SETD1B: variants seen among roughly 807,000 people sequenced by gnomAD.
SETD1B encodes histone-lysine N-methyltransferase SETD1B.
A neutral mutation model predicts 148.0 loss-of-function variants in SETD1B; 7 were observed. The observed-to-expected ratio is 0.05, with a 90% CI of 0.03 to 0.09. The LOEUF (loss-of-function observed/expected upper bound fraction) is 0.09, where lower values mean the gene tolerates loss of function less well. Ranked by LOEUF, SETD1B falls within the 10% of genes least tolerant of loss-of-function variation. The pLI is 1.00. For missense variants in SETD1B, 2,155 were observed against 2,729.9 expected, an observed-to-expected ratio of 0.79 and a Z score of 4.69; for synonymous variants, 1,361 against 1,186.5, an observed-to-expected ratio of 1.15 and a Z score of -3.02.
rs1340323202 is a variant in SETD1B, at chr12:121,810,514, C to T, written c.1569C>T (p.Asp523=). 6.5e-7 allele frequency: 1 copy of T among 1,546,132 alleles called. No individual in the cohort carries two copies. Among genetic ancestry groups the T allele is most frequent in the Non-Finnish European group, 8.7e-7 (1 of 1,146,976 alleles). The change falls in exon 6 of 17, where the codon GAC becomes GAT. Residue 523 remains aspartate, a synonymous_variant. Coordinates refer to ENST00000604567, the MANE Select transcript of SETD1B (RefSeq NM_001353345.2). The surrounding 1 kb of genome is among the most constrained non-coding windows in gnomAD (Gnocchi z 7.6). ...KLLFLREPDS[D]TELQMEGSPI... The stretch of plus-strand genomic sequence containing the variant: ...TCTTCCTGAGGGAGCCGGACTCGGA[C>T]ACCGAGCTGCAGATGGAGGGCAGCC...
Position 121,827,657 on chromosome 12 carries a change from C to T in SETD1B, c.5469+7C>T, listed in dbSNP as rs776004539. 1 of 1,551,582 alleles carries T rather than the reference C, an allele frequency of 6.4e-7. No individual in the cohort carries two copies. The highest frequency in any genetic ancestry group is 2.0e-5 in the Admixed American group (1 of 51,004). On this transcript the variant is annotated splice_region_variant and intron_variant, in intron 14 of 16. Transcript: ENST00000604567. ...CAAGTTCAACCAGCTCAAGGTGAGGCCGGGCTTCACCCAGATCGCCGGGGT... is the reference window on the plus strand; with the variant it reads ...CAAGTTCAACCAGCTCAAGGTGAGGTCGGGCTTCACCCAGATCGCCGGGGT...
In SETD1B at chr12:121,810,863, G is replaced by A; in HGVS notation, c.1890+28G>A. The A allele has an allele frequency of 6.8e-7, 1 of 1,461,656 alleles. No homozygotes were observed. Among genetic ancestry groups the A allele is most frequent in the Non-Finnish European group, 9.1e-7 (1 of 1,101,634 alleles). The allele number at this position is 1,461,656 out of a possible 1,614,324, so 90.5% of individuals were successfully genotyped here. A position where few individuals can be genotyped will look rare whatever the true frequency, so the allele number is the denominator to read the frequency against. ...ACCACCGTGTCTGTCCATCTGTCTG[G>A]GACTGGTTTTGTCTATCTTGTATCT... is the stretch of plus-strand genomic sequence containing the variant. On this transcript the variant is annotated intron_variant, in intron 6 of 16. Coordinates refer to ENST00000604567, the MANE Select transcript of SETD1B (RefSeq NM_001353345.2). This position sits in a 1 kb window ranked among gnomAD's most constrained non-coding sequence, Gnocchi z 7.6.
At position 121,824,169 on chromosome 12, in the gene SETD1B, TC is replaced by T. The variant is rs1876725823; in HGVS notation, c.5170+422del. ...AGGCTCAGAGAGGTTCAGTGACCTG[TC>T]CAAAGACACAGCTACAGGTGGCAGA... On this transcript the variant is annotated intron_variant, in intron 12 of 16. Coordinates refer to ENST00000604567, the MANE Select transcript of SETD1B (RefSeq NM_001353345.2). Among the ~76,000 whole-genome samples the T allele has an allele frequency of 2.6e-5, 4 of 152,328 alleles. No individual in the cohort carries two copies. In the South Asian group the frequency reaches 8.3e-4, roughly 32 times the overall value.
intron 12 of SETD1B, among the ~76,000 whole-genome samples, chr12:121,824,828 CAT>C (rs913069324): frequency 2.0e-5 from 3 of 152,124 alleles, no homozygotes; most frequent in African/African-American, 4.8e-5. Context: ...GCCTGGGAAA[CAT>C]AGCAAAACCC....
intron 12 of SETD1B, among the ~76,000 whole-genome samples, chr12:121,824,638 C>T (rs1188704104): frequency 1.3e-5 from 2 of 151,320 alleles, no homozygotes; most frequent in Admixed American, 6.6e-5. Context: ...CAGAACAAGA[C>T]TCTGTCTCAA....
At position 121,823,684 on chromosome 12, in the gene SETD1B, A is replaced by G. The variant is rs867148478; in HGVS notation, c.5105A>G (p.Glu1702Gly). ...ATCCGCTTCCTGTGTGTCACCTACG[A>G]GCGACTGCTACAGCAGGACAATGGC... ...EDIRFLCVTY[E>G]RLLQQDNGMD... is the part of the protein sequence containing the mutation. Residue 1702 changes from glutamate to glycine, a missense_variant, in exon 12 of 17, where the codon GAG becomes GGG. Physicochemically the swap from Glu to Gly is moderately conservative, Grantham distance 98. This residue lies in a region of SETD1B where 96 missense variants were observed against 148.7 expected (regional missense o/e 0.65). Transcript: ENST00000604567. The G allele has an allele frequency of 6.4e-7, 1 of 1,551,586 alleles. No homozygotes were observed. Among genetic ancestry groups the G allele is most frequent in the Middle Eastern group, 1.7e-4 (1 of 5,992 alleles).
chr12:121,804,887 C>T lies in SETD1B; in HGVS notation c.150C>T (p.Tyr50=), dbSNP rs1179011662. ...AGGGGCATCATAAACTGTACCGCTA[C>T]GATGGGCAGCATTTCAGCCTGGCGG... The part of the protein sequence containing the change: ...LKKGHHKLYR[Y]DGQHFSLAMS... The change falls in exon 2 of 17, where the codon TAC becomes TAT. Residue 50 remains tyrosine (Y), a synonymous_variant. Transcript: ENST00000604567. This position sits in a 1 kb window ranked among gnomAD's most constrained non-coding sequence, Gnocchi z 4.6. 6.5e-6 allele frequency: 10 copies of T among 1,533,552 alleles called. No individual in the cohort carries two copies. The African/African-American group carries it at 1.1e-4, about 17-fold the overall frequency. The allele number at this position is 1,533,552 out of a possible 1,614,324, so 95.0% of individuals were successfully genotyped here.
chr12:121,820,568 C>CT (rs1191421871), intron 11 of SETD1B, among the ~76,000 whole-genome samples: 4 of 152,330 alleles, frequency 2.6e-5, no homozygotes, highest in Admixed American at 6.5e-5. Context: ...TAGTCCCGCT[C>CT]TGTCACCCAG....
rs938427266 is a variant in SETD1B, at chr12:121,823,369, C to A, written c.4790C>A (p.Pro1597Gln). Residue 1597 changes from proline to glutamine, a missense_variant, in exon 12 of 17, where the codon CCA (proline) becomes CAA (glutamine). By Grantham distance (76) the Pro-to-Gln change is moderately conservative. This residue lies in a region of SETD1B where 862 missense variants were observed against 873.8 expected (regional missense o/e 0.99). Transcript: ENST00000604567. ...PPQPPPPPPPPPVEPTKLPFK... is the reference protein window; with the variant it reads ...PPQPPPPPPPQPVEPTKLPFK... ...CAGCCACCCCCACCCCCACCTCCCC[C>A]ACCTGTAGAGCCCACCAAGCTGCCC... The A allele has an allele frequency of 2.0e-6, 3 of 1,533,234 alleles. No individual in the cohort carries two copies. Among genetic ancestry groups the A allele is most frequent in the East Asian group, 2.5e-5 (1 of 40,638 alleles). The allele number at this position is 1,533,234 out of a possible 1,614,324, so 95.0% of individuals were successfully genotyped here. A position where few individuals can be genotyped will look rare whatever the true frequency, so the allele number is the denominator to read the frequency against.
At chr12:121,816,478 C>T (rs1876299093) in intron 7 of SETD1B, among the ~76,000 whole-genome samples, 1 of 152,222 alleles carries the variant, frequency 6.6e-6, no homozygotes, top group Non-Finnish European at 1.5e-5. Context: ...CCTACAGTAA[C>T]AGCTAATAGC....
At position 121,827,962 on chromosome 12, in the gene SETD1B, T is replaced by C. The variant is rs752096360; in HGVS notation, c.5619T>C (p.Tyr1873=). The C allele has an allele frequency of 7.7e-6, 12 of 1,552,020 alleles. No homozygotes were observed. Among genetic ancestry groups the C allele is most frequent in the Middle Eastern group, 1.7e-4 (1 of 5,992 alleles). The change falls in exon 16 of 17, where the codon TAT becomes TAC. Residue 1873 remains tyrosine, a synonymous_variant. Coordinates refer to ENST00000604567, the MANE Select transcript of SETD1B (RefSeq NM_001353345.2). ...QVIADMREKR[Y]EDEGIGSSYM... ...TCGCAGACATGCGGGAGAAGCGTTA[T>C]GAGGACGAGGGCATCGGGAGCAGCT...
upstream of SETD1B, chr12:121,799,718 G>T (rs1444456871): frequency 1.1e-4 from 3 of 28,296 alleles, no homozygotes; most frequent in Non-Finnish European, 2.4e-4. Flanking sequence ...GCTCGCAGCT[G>T]GGGGGGGGGG....
In SETD1B at chr12:121,823,336, T is replaced by A; in HGVS notation, c.4757T>A (p.Leu1586His). 17 of 341,934 alleles carry A rather than the reference T, an allele frequency of 5.0e-5. No homozygotes were observed. Among genetic ancestry groups the A allele is most frequent in the Non-Finnish European group, 6.7e-5 (16 of 239,888 alleles). The allele number at this position is 341,934 out of a possible 1,614,324, so 21.2% of individuals were successfully genotyped here. ...NAGIPAPPPP[L>H]PPQPPPPPPP... ...GGGATCCCAGCCCCTCCACCACCCC[T>A]TCCCCCCCAGCCACCCCCACCCCCA... The change falls in exon 12 of 17, where the codon CTT becomes CAT. Residue 1586 changes from leucine to histidine, a missense_variant. Around this residue, in one of 11 missense-constraint regions of SETD1B, gnomAD observed 862 missense variants for 873.8 expected, o/e 0.99. Transcript: ENST00000604567.
Position 121,823,215 on chromosome 12 carries a change from G to A in SETD1B, c.4636G>A (p.Gly1546Arg), listed in dbSNP as rs1418401289. The change falls in exon 12 of 17, where the codon GGA becomes AGA. Residue 1546 changes from glycine to arginine, a missense_variant. Gly to Arg is a moderately radical substitution (Grantham distance 125). Around this residue, in one of 11 missense-constraint regions of SETD1B, gnomAD observed 862 missense variants for 873.8 expected, o/e 0.99. Coordinates refer to ENST00000604567, the MANE Select transcript of SETD1B (RefSeq NM_001353345.2). ...CCGACCACCAGCAGGGGCCGCCCTT[G>A]GAAGGGAACTCCTGCTCCTGCCGGG... Reference protein sequence around the residue: ...LVRPPAGAALGRELLLLPGQP... With the variant: ...LVRPPAGAALRRELLLLPGQP... 1.3e-6 allele frequency: 2 copies of A among 1,549,278 alleles called. No homozygotes were observed. Among genetic ancestry groups the A allele is most frequent in the Admixed American group, 3.9e-5 (2 of 50,990 alleles).
rs1283151669 is a variant in SETD1B, at chr12:121,823,773, C to T, written c.5170+24C>T. On this transcript the variant is annotated intron_variant, in intron 12 of 16. Coordinates refer to ENST00000604567, the MANE Select transcript of SETD1B (RefSeq NM_001353345.2). Reference sequence around the variant, plus strand: ...CTATATCCTGCTGGCATGGGGGGCTCTGCACCTTCTGGGATGCAGGAAGTC... The same window carrying T: ...CTATATCCTGCTGGCATGGGGGGCTTTGCACCTTCTGGGATGCAGGAAGTC... 12 of 1,522,560 alleles carry T rather than the reference C, an allele frequency of 7.9e-6. No individual in the cohort carries two copies. The East Asian group carries it at 9.9e-5, about 13-fold the overall frequency. 94.3% of individuals were successfully genotyped at this position (1,522,560 alleles called of 1,614,324 possible).
At position 121,810,618 on chromosome 12, in the gene SETD1B, C is replaced by T. The variant is rs911497783; in HGVS notation, c.1673C>T (p.Thr558Met). The T allele has an allele frequency of 5.2e-6, 8 of 1,548,188 alleles. No homozygotes were observed. The East Asian group carries it at 7.3e-5, about 14-fold the overall frequency. Residue 558 changes from threonine (T) to methionine (M), a missense_variant, in exon 6 of 17, where the codon ACG (threonine) becomes ATG (methionine). This residue lies in a region of SETD1B where 295 missense variants were observed against 303.8 expected (regional missense o/e 0.97). Transcript: ENST00000604567. The surrounding 1 kb of genome is among the most constrained non-coding windows in gnomAD (Gnocchi z 7.6). ...TNSQPGFRGP[T>M]PPSSRPSSTG... ...TCCCAGCCAGGCTTCCGGGGCCCCACGCCCCCCTCGTCACGCCCCTCCAGC... is the reference window on the plus strand; with the variant it reads ...TCCCAGCCAGGCTTCCGGGGCCCCATGCCCCCCTCGTCACGCCCCTCCAGC...
chr12:121,792,456 CTG>C, the SETD1B span, among the ~76,000 whole-genome samples: 1 of 152,272 alleles, frequency 6.6e-6, no homozygotes, highest in South Asian at 2.1e-4. Flanking sequence ...CCGTGGGGGC[CTG>C]CAGGTGGCAG....
the SETD1B span, chr12:121,793,308 T>C: frequency 6.8e-7 from 1 of 1,470,190 alleles, no homozygotes. Context: ...CTGAATCCAC[T>C]GTCCACCCCC....
chr12:121,831,419 C>T lies in SETD1B; in HGVS notation c.*1180C>T, dbSNP rs999487537. 1 of 151,938 alleles carries T rather than the reference C, an allele frequency of 6.6e-6. No homozygotes were observed. The highest frequency in any genetic ancestry group is 6.6e-5 in the Admixed American group (1 of 15,266). 9.4% of individuals were successfully genotyped at this position (151,938 alleles called of 1,614,324 possible). On this transcript the variant is annotated 3_prime_UTR_variant, in exon 17 of 17. Coordinates refer to ENST00000604567, the MANE Select transcript of SETD1B (RefSeq NM_001353345.2). ...ACGGTTTTTTTTTCCCTTTTGACCC[C>T]CTTCCCATCTCTTCAGAATTTATTC...
Sources: allele counts gnomAD v4.1 joint callset (sites outside exome capture counted in the v4.1 genomes callset), GRCh38; gene constraint gnomAD v4.1.1; regional missense constraint gnomAD v4.1.1; non-coding constraint Gnocchi (gnomAD v3.1); transcripts MANE v1.5; gene names NCBI Gene and HGNC (gene_info 2026-07-23, HGNC 2026-07-21).